Variants in TNNC2 observed in about 807,000 individuals in gnomAD.
The protein encoded by TNNC2 is troponin C2, fast skeletal type.
A neutral mutation model predicts 20.0 loss-of-function variants in TNNC2; 14 were observed. That is an observed-to-expected ratio of 0.70 (90% CI 0.46 to 1.09). The LOEUF is 1.09. Among genes scored for constraint, TNNC2 ranks in the 50% least tolerant of loss-of-function variants. The probability of loss-of-function intolerance (pLI) is 0.00; values close to 1 mark genes in which losing one functional copy is unlikely to be tolerated. For synonymous variants in TNNC2, 81 were observed against 77.3 expected (o/e 1.05, Z -0.25); for missense variants, 163 against 223.8 (o/e 0.73, Z 1.73).
At chr20:45,829,769 G>C (rs550536279), upstream of TNNC2, among the ~76,000 whole-genome samples, 21 of 149,436 alleles carry the variant, frequency 1.4e-4, no homozygotes, top group South Asian at 3.4e-3. Flanking sequence ...CTGGGCAACA[G>C]AGCAAGACCC....
chr20:45,827,385 G>A (rs949085062), upstream of TNNC2: 2 of 1,141,266 alleles, frequency 1.8e-6, no homozygotes, highest in East Asian at 2.6e-5. Flanking sequence ...CCCAGCACTG[G>A]AGACCCTGCC....
rs141310235 is a variant in TNNC2 at position 45,824,929 on chromosome 20, G to A, written c.4-95C>T. ...TCTTCCCAACCCCCACTCTGTCAGCGCCCTTGGTTCTCCAGAAGAACAACT... is the reference window on the plus strand; with the variant it reads ...TCTTCCCAACCCCCACTCTGTCAGCACCCTTGGTTCTCCAGAAGAACAACT... On this transcript the variant is annotated intron_variant, in intron 1 of 5. Coordinates refer to ENST00000372555, the MANE Select transcript of TNNC2 (RefSeq NM_003279.3). 1.9e-3 allele frequency: 2,593 copies of A among 1,373,646 alleles called. 28 individuals carry two copies. Among genetic ancestry groups the A allele is most frequent in the South Asian group, 0.016 (1,314 of 83,596 alleles). The allele number at this position is 1,373,646 out of a possible 1,614,324, so 85.1% of individuals were successfully genotyped here. A position where few individuals can be genotyped will look rare whatever the true frequency, so the allele number is the denominator to read the frequency against.
chr20:45,828,197 C>CTTTTT (rs10630967), upstream of TNNC2, among the ~76,000 whole-genome samples: 8 of 142,290 alleles, frequency 5.6e-5, no homozygotes, highest in South Asian at 2.2e-4. Context: ...CCACCCCTGG[C>CTTTTT]TTTTTTTTTT....
At chr20:45,827,441 A>G (rs1048565698), upstream of TNNC2, 15 of 647,950 alleles carry the variant, frequency 2.3e-5, no homozygotes, top group Non-Finnish European at 4.0e-5. Context: ...CCACAGTCTG[A>G]ACCCATTACC....
At chr20:45,824,715 C>T (rs1982919851) in intron 2 of TNNC2, 68 bp downstream of exon 2, 5 of 1,601,580 alleles carry the variant, frequency 3.1e-6, no homozygotes, top group South Asian at 1.1e-5. Context: ...CAACCCCCAC[C>T]CTGCCTAGAG....
chr20:45,823,835 G>T lies in TNNC2; in HGVS notation c.451+156C>A, dbSNP rs1341799881. On this transcript the variant is annotated intron_variant, in intron 5 of 5. Transcript: ENST00000372555. This position sits in a 1 kb window ranked among gnomAD's most constrained non-coding sequence, Gnocchi z 4.6. ...GATAAACTGCACAGAGTCGTGGAGC[G>T]CTTCTATACCTGCCCCCAGGAGACT... Among the ~76,000 whole-genome samples the T allele has an allele frequency of 1.3e-5, 2 of 152,044 alleles. No homozygotes were observed. The highest frequency in any genetic ancestry group is 4.2e-4 in the South Asian group (2 of 4,800).
At chr20:45,824,696 A>T (rs1487647552) in intron 2 of TNNC2, 58 bp from the exon 3 acceptor site, 105 of 1,385,234 alleles carry the variant, frequency 7.6e-5, no homozygotes, top group Non-Finnish European at 8.2e-5. Flanking sequence ...CCTCACACCT[A>T]CCCCCCCCCA....
At chr20:45,827,969 G>A (rs970629028), upstream of TNNC2, among the ~76,000 whole-genome samples, 4 of 152,190 alleles carry the variant, frequency 2.6e-5, no homozygotes, top group South Asian at 8.3e-4. Flanking sequence ...ACTGTGCTAA[G>A]CATTTTAACA....
rs1351899523 is a variant in TNNC2 at position 45,823,528 on chromosome 20, C to T, written c.452-149G>A. 2 of 726,022 alleles carry T rather than the reference C, an allele frequency of 2.8e-6. No individual in the cohort carries two copies. Among genetic ancestry groups the T allele is most frequent in the South Asian group, 1.9e-5 (1 of 53,474 alleles). The allele number at this position is 726,022 out of a possible 1,614,324, so 45.0% of individuals were successfully genotyped here. ...TGTTGCCAAGGTCGCCAAGGTCTGTCACCCAGGCTAGAGTGCAGTGGCACA... is the reference window on the plus strand; with the variant it reads ...TGTTGCCAAGGTCGCCAAGGTCTGTTACCCAGGCTAGAGTGCAGTGGCACA... On this transcript the variant is annotated intron_variant, in intron 5 of 5. Transcript: ENST00000372555. The surrounding 1 kb of genome is among the most constrained non-coding windows in gnomAD (Gnocchi z 4.6).
upstream of TNNC2, among the ~76,000 whole-genome samples, chr20:45,831,154 C>T (rs1359952863): frequency 6.6e-6 from 1 of 152,006 alleles, no homozygotes; most frequent in Non-Finnish European, 1.5e-5. Flanking sequence ...GCATGGTGGG[C>T]ACATATCTGT....
chr20:45,826,036 G>C lies in TNNC2; in HGVS notation c.4-1202C>G, dbSNP rs192513656. 1.8e-4 allele frequency among the ~76,000 whole-genome samples: 23 copies of C among 127,808 alleles called. 1 individual carries two copies. The East Asian group carries it at 3.5e-3, about 20-fold the overall frequency. The allele number at this position is 127,808 out of a possible 152,430, so 83.8% of individuals were successfully genotyped here. A position where few individuals can be genotyped will look rare whatever the true frequency, so the allele number is the denominator to read the frequency against. On this transcript the variant is annotated intron_variant, in intron 1 of 5. Coordinates refer to ENST00000372555, the MANE Select transcript of TNNC2 (RefSeq NM_003279.3). Reference sequence around the variant, plus strand: ...CCCACCCCCCAGTGACCTTAGGCACGTCAATTAGCGTGCCTTCATCTTTTC... The same window carrying C: ...CCCACCCCCCAGTGACCTTAGGCACCTCAATTAGCGTGCCTTCATCTTTTC...
Position 45,823,979 on chromosome 20 carries a change from G to A in TNNC2, c.451+12C>T, listed in dbSNP as rs1601054022. On this transcript the variant is annotated intron_variant, in intron 5 of 5. Coordinates refer to ENST00000372555, the MANE Select transcript of TNNC2 (RefSeq NM_003279.3). This position sits in a 1 kb window ranked among gnomAD's most constrained non-coding sequence, Gnocchi z 4.6. ...TCCCACCCGCTCTTCCCAAGCTCCC[G>A]TTGGCCCTCACCGTCGAAGTCAATG... 1.2e-6 allele frequency: 2 copies of A among 1,613,830 alleles called. No homozygotes were observed. The highest frequency in any genetic ancestry group is 1.7e-6 in the Non-Finnish European group (2 of 1,179,918).
At chr20:45,826,567 C>T (rs906226743) in intron 1 of TNNC2, among the ~76,000 whole-genome samples, 2 of 152,320 alleles carry the variant, frequency 1.3e-5, no homozygotes, top group East Asian at 3.9e-4. Context: ...CCTTCTCCCC[C>T]TCCTTCCTCT....
chr20:45,823,678 A>C lies in TNNC2; in HGVS notation c.452-299T>G, dbSNP rs561918632. ...TTTTATTTTATTTTATTTTTTGTAA[A>C]GACAGGGTCTCACTATGTTGCCCAG... On this transcript the variant is annotated intron_variant, in intron 5 of 5. Coordinates refer to ENST00000372555, the MANE Select transcript of TNNC2 (RefSeq NM_003279.3). The surrounding 1 kb of genome is among the most constrained non-coding windows in gnomAD (Gnocchi z 4.6). Among the ~76,000 whole-genome samples the C allele has an allele frequency of 6.6e-6, 1 of 152,062 alleles. No individual in the cohort carries two copies. Among genetic ancestry groups the C allele is most frequent in the Non-Finnish European group, 1.5e-5 (1 of 67,974 alleles).
At position 45,823,601 on chromosome 20, in the gene TNNC2, T is replaced by C. The variant is rs988865361; in HGVS notation, c.452-222A>G. Among the ~76,000 whole-genome samples the C allele has an allele frequency of 6.6e-6, 1 of 152,080 alleles. No individual in the cohort carries two copies. Among genetic ancestry groups the C allele is most frequent in the African/African-American group, 2.4e-5 (1 of 41,410 alleles). Reference sequence around the variant, plus strand: ...ATCTCCTAGGCTCAAGCGATCCTCTTACCTCAGCCCCCGGAGCAACTGGGA... The same window carrying C: ...ATCTCCTAGGCTCAAGCGATCCTCTCACCTCAGCCCCCGGAGCAACTGGGA... On this transcript the variant is annotated intron_variant, in intron 5 of 5. Coordinates refer to ENST00000372555, the MANE Select transcript of TNNC2 (RefSeq NM_003279.3). The surrounding 1 kb of genome is among the most constrained non-coding windows in gnomAD (Gnocchi z 4.6).
rs1384680221 is a variant in TNNC2 at position 45,823,347 on chromosome 20, C to T, written c.*1G>A. 2 of 1,587,952 alleles carry T rather than the reference C, an allele frequency of 1.3e-6. No homozygotes were observed. Among genetic ancestry groups the T allele is most frequent in the Non-Finnish European group, 1.7e-6 (2 of 1,167,574 alleles). ...TCTTGGTAGAGGCGACTGTCCACTCCTTACTGCACGCCCTCCATCATCTTC... is the reference window on the plus strand; with the variant it reads ...TCTTGGTAGAGGCGACTGTCCACTCTTTACTGCACGCCCTCCATCATCTTC... On this transcript the variant is annotated 3_prime_UTR_variant, in exon 6 of 6. Coordinates refer to ENST00000372555, the MANE Select transcript of TNNC2 (RefSeq NM_003279.3). The surrounding 1 kb of genome is among the most constrained non-coding windows in gnomAD (Gnocchi z 4.6).
intron 1 of TNNC2, 47 bp downstream of exon 1, chr20:45,827,199 C>T (rs537380883): frequency 1.9e-6 from 3 of 1,613,976 alleles, no homozygotes; most frequent in African/African-American, 2.7e-5. Context: ...GAAAGGGGTC[C>T]AGAGTGCTCC....
At chr20:45,827,070 G>A (rs1414235970) in intron 1 of TNNC2, among the ~76,000 whole-genome samples, 176 bp downstream of exon 1, 1 of 152,090 alleles carries the variant, frequency 6.6e-6, no homozygotes, top group Non-Finnish European at 1.5e-5. Context: ...GAATATCCCA[G>A]CCCTCCCCTT....
intron 2 of TNNC2, among the ~76,000 whole-genome samples, chr20:45,832,785 A>G (rs924032014): frequency 6.6e-6 from 1 of 152,262 alleles, no homozygotes; most frequent in Non-Finnish European, 1.5e-5. Context: ...TGCCCTGCGG[A>G]TAAAAGATAA....
Sources: allele counts gnomAD v4.1 joint callset (sites outside exome capture counted in the v4.1 genomes callset), GRCh38; gene constraint gnomAD v4.1.1; non-coding constraint Gnocchi (gnomAD v3.1); transcripts MANE v1.5; gene names NCBI Gene and HGNC (gene_info 2026-07-23, HGNC 2026-07-21).